ATP8A1: variants seen among roughly 807,000 people sequenced by gnomAD.
ATP8A1 encodes phospholipid-transporting ATPase IA.
In ATP8A1, 90 loss-of-function variants were observed where a neutral mutation model predicts 177.7. The observed-to-expected ratio is 0.51, with a 90% CI of 0.43 to 0.60. The LOEUF is 0.60. Among genes scored for constraint, ATP8A1 ranks in the 20% least tolerant of loss-of-function variants. The probability of loss-of-function intolerance (pLI) is 0.00; values close to 1 mark genes in which losing one functional copy is unlikely to be tolerated. For missense variants in ATP8A1, 1,072 were observed against 1,392.8 expected, an observed-to-expected ratio of 0.77 and a Z score of 3.67; for synonymous variants, 493 against 485.9, an observed-to-expected ratio of 1.01 and a Z score of -0.19.
At chr4:42,527,037 C>G (rs182089316) in intron 20 of ATP8A1, among the ~76,000 whole-genome samples, 1 of 152,270 alleles carries the variant, frequency 6.6e-6, no homozygotes, top group East Asian at 1.9e-4. Context: ...ATGTGGAGAA[C>G]CAAGGAACAT....
intron 24 of ATP8A1, among the ~76,000 whole-genome samples, chr4:42,501,811 A>G (rs1340973334): frequency 6.6e-6 from 1 of 152,160 alleles, no homozygotes; most frequent in African/African-American, 2.4e-5. Flanking sequence ...GTCTGACCCT[A>G]AACAGTCAGA....
chr4:42,445,913 C>G (rs1189545757), intron 31 of ATP8A1, among the ~76,000 whole-genome samples: 2 of 151,704 alleles, frequency 1.3e-5, no homozygotes, highest in African/African-American at 4.8e-5. Context: ...AACCTTGTCT[C>G]TACTAAAAAT....
At chr4:42,513,223 T>C (rs2153195894) in intron 22 of ATP8A1, among the ~76,000 whole-genome samples, 1 of 152,288 alleles carries the variant, frequency 6.6e-6, no homozygotes, top group South Asian at 2.1e-4. Context: ...CCAATTCTCT[T>C]TCTTTTCCTT....
chr4:42,628,014 C>T (rs1307609918), intron 1 of ATP8A1, among the ~76,000 whole-genome samples: 5 of 152,130 alleles, frequency 3.3e-5, no homozygotes, highest in African/African-American at 4.8e-5. Flanking sequence ...AAAACACTTA[C>T]CAGAAGGTTT....
chr4:42,432,466 AAC>A (rs1463906693), intron 33 of ATP8A1, among the ~76,000 whole-genome samples: 1 of 152,192 alleles, frequency 6.6e-6, no homozygotes, highest in Non-Finnish European at 1.5e-5. Flanking sequence ...TGAACTTGCA[AAC>A]ACTTCTGAAA....
intron 20 of ATP8A1, among the ~76,000 whole-genome samples, chr4:42,527,420 G>T (rs1224885993): frequency 6.6e-6 from 1 of 152,118 alleles, no homozygotes; most frequent in Non-Finnish European, 1.5e-5. Context: ...TTTTTTGCCA[G>T]AAGTAACAGC....
chr4:42,448,396 C>CTTTACTTT lies in ATP8A1; in HGVS notation c.2897-1753_2897-1752insAAAGTAAA, dbSNP rs778022629. Among the ~76,000 whole-genome samples the CTTTACTTT allele has an allele frequency of 2.0e-4, 17 of 84,158 alleles. 2 individuals carry two copies. The highest frequency in any genetic ancestry group is 5.2e-4 in the Admixed American group (3 of 5,736). The allele number at this position is 84,158 out of a possible 152,430, so 55.2% of individuals were successfully genotyped here. ...GTAGCCTCCCTCCCTCCTTCTCTTT[C>CTTTACTTT]TTTTCTTTTTTTTTTTTTTGAGATG... is the stretch of plus-strand genomic sequence containing the variant. On this transcript the variant is annotated intron_variant, in intron 30 of 36. Transcript: ENST00000381668.
At chr4:42,571,565 T>C (rs1054403977) in intron 14 of ATP8A1, among the ~76,000 whole-genome samples, 1 of 152,018 alleles carries the variant, frequency 6.6e-6, no homozygotes, top group Admixed American at 6.6e-5. Flanking sequence ...TGCTTACCTA[T>C]TCCGGGTATT....
At chr4:42,516,409 G>T (rs1220702224) in intron 22 of ATP8A1, among the ~76,000 whole-genome samples, 1 of 151,794 alleles carries the variant, frequency 6.6e-6, no homozygotes, top group African/African-American at 2.4e-5. Flanking sequence ...AAAAAAAAAA[G>T]TTTCCCAATC....
intron 33 of ATP8A1, among the ~76,000 whole-genome samples, chr4:42,442,270 G>A (rs1481697726): frequency 1.3e-5 from 2 of 152,146 alleles, no homozygotes; most frequent in African/African-American, 4.8e-5. Flanking sequence ...AGTTAAAATC[G>A]ACCTAAGGGA....
intron 30 of ATP8A1, among the ~76,000 whole-genome samples, chr4:42,449,970 C>T (rs114142281): frequency 2.0e-4 from 30 of 152,228 alleles, no homozygotes; most frequent in African/African-American, 6.7e-4. Flanking sequence ...GTTTAGAAGA[C>T]GGGCATACCT....
Position 42,422,899 on chromosome 4 carries a change from A to G in ATP8A1, c.3213T>C (p.Val1071=). 6.2e-7 allele frequency: 1 copy of G among 1,602,840 alleles called. No homozygotes were observed. The highest frequency in any genetic ancestry group is 8.5e-7 in the Non-Finnish European group (1 of 1,176,798). Residue 1071 remains valine (V), a splice_region_variant and synonymous_variant, in exon 35 of 37, where the codon GTT becomes GTC. Transcript: ENST00000381668. The part of the protein sequence containing the change: ...ASLLLDVVYK[V]IKRTAFKTLV... ...ATGTTTTAAAAGCAGTCCTCTTGATACTGCAAAAAGAAAAAAAAAGGGATT... is the reference window on the plus strand; with the variant it reads ...ATGTTTTAAAAGCAGTCCTCTTGATGCTGCAAAAAGAAAAAAAAAGGGATT...
At chr4:42,628,718 G>A (rs955610086) in intron 1 of ATP8A1, among the ~76,000 whole-genome samples, 2 of 152,172 alleles carry the variant, frequency 1.3e-5, no homozygotes, top group Middle Eastern at 3.4e-3. Flanking sequence ...TGAATAGAGG[G>A]AGATCAATCT....
chr4:42,536,232 A>T (rs1727814882), intron 20 of ATP8A1, among the ~76,000 whole-genome samples: 1 of 152,242 alleles, frequency 6.6e-6, no homozygotes, highest in South Asian at 2.1e-4. Context: ...AATAAGAGAG[A>T]AGATCCAAAT....
At chr4:42,453,396 G>A (rs1044217478) in intron 29 of ATP8A1, among the ~76,000 whole-genome samples, 1 of 152,098 alleles carries the variant, frequency 6.6e-6, no homozygotes, top group African/African-American at 2.4e-5. Context: ...TGTAAAACAG[G>A]GTTGGCAACT....
chr4:42,471,947 C>A, intron 25 of ATP8A1: 4 of 679,204 alleles, frequency 5.9e-6, no homozygotes, highest in Non-Finnish European at 1.1e-5. Context: ...CTGAGTATTA[C>A]AGCAGCCAAA....
chr4:42,578,483 C>T, intron 11 of ATP8A1, 96 bp from the exon 12 acceptor site: 1 of 1,356,844 alleles, frequency 7.4e-7, no homozygotes, highest in Non-Finnish European at 1.0e-6. Context: ...TACTACGCAG[C>T]TTATTTGATA....
In ATP8A1 at chr4:42,616,229, G is replaced by A. The variant is rs1206507484; in HGVS notation, c.364-151C>T. 8 of 661,102 alleles carry A rather than the reference G, an allele frequency of 1.2e-5. No homozygotes were observed. The Admixed American group carries it at 2.4e-4, about 20-fold the overall frequency. The allele number at this position is 661,102 out of a possible 1,614,324, so 41.0% of individuals were successfully genotyped here. On this transcript the variant is annotated intron_variant, in intron 4 of 36. Transcript: ENST00000381668. ...CAATGTTAAAGTATACATTGATGGA[G>A]GAGTGGTGATGGGAAGAATTAGAGC...
chr4:42,543,855 C>T (rs2153206955), intron 20 of ATP8A1, 62 bp downstream of exon 20: 2 of 1,227,274 alleles, frequency 1.6e-6, no homozygotes, highest in Non-Finnish European at 2.3e-6. Context: ...CATAGAATGC[C>T]TAACATATAC....
Sources: gnomAD v4.1 joint callset for allele counts (sites outside exome capture counted in the v4.1 genomes callset) on GRCh38, gnomAD v4.1.1 for gene constraint, MANE v1.5 for transcripts, NCBI Gene and HGNC (gene_info 2026-07-23, HGNC 2026-07-21) for gene names.